NXPH1: variants seen among roughly 807,000 people sequenced by gnomAD.
The protein encoded by NXPH1 is neurexophilin-1.
A neutral mutation model predicts 23.7 loss-of-function variants in NXPH1; 5 were observed. The ratio of observed to expected loss-of-function variants is 0.21; its 90% CI spans 0.11 to 0.44. NXPH1 has a LOEUF of 0.44. Among genes scored for constraint, NXPH1 ranks in the 20% least tolerant of loss-of-function variants. The pLI is 0.99. For missense variants in NXPH1, 324 were observed against 321.6 expected (o/e 1.01, Z -0.06); for synonymous variants, 144 against 122.2 (o/e 1.18, Z -1.18).
intron 2 of NXPH1, among the ~76,000 whole-genome samples, chr7:8,658,908 C>T (rs929749665): frequency 6.6e-6 from 1 of 151,766 alleles, no homozygotes; most frequent in African/African-American, 2.4e-5. Flanking sequence ...ATTATATGCG[C>T]AAGATTTATA....
intron 2 of NXPH1, among the ~76,000 whole-genome samples, chr7:8,566,389 G>A (rs1584236576): frequency 6.6e-6 from 1 of 151,938 alleles, no homozygotes; most frequent in East Asian, 2.0e-4. Flanking sequence ...TGAATACCTA[G>A]GAAAGTGGTA....
At chr7:8,637,018 G>A (rs187237375) in intron 2 of NXPH1, among the ~76,000 whole-genome samples, 1 of 149,112 alleles carries the variant, frequency 6.7e-6, no homozygotes, top group Non-Finnish European at 1.5e-5. Flanking sequence ...CTCCTTGAGA[G>A]CCCTGTGCAT....
intron 2 of NXPH1, among the ~76,000 whole-genome samples, chr7:8,616,621 G>C (rs1426787260): frequency 2.0e-5 from 3 of 152,006 alleles, no homozygotes; most frequent in Admixed American, 6.6e-5. Context: ...AGAGAGCGAA[G>C]CATATGTAAG....
chr7:8,596,252 G>A lies in NXPH1; in HGVS notation c.55-154756G>A, dbSNP rs184460503. Among the ~76,000 whole-genome samples the A allele has an allele frequency of 2.5e-3, 377 of 152,150 alleles. 1 individual carries two copies. The highest frequency in any genetic ancestry group is 8.5e-3 in the African/African-American group (354 of 41,522). On this transcript the variant is annotated intron_variant, in intron 2 of 2. Coordinates refer to ENST00000405863, the MANE Select transcript of NXPH1 (RefSeq NM_152745.3). ...CTCATGAGCTAATTCTGAATTGCCTGGGAAAATTCTGTTCAGGAACAGAAT... is the reference window on the plus strand; with the variant it reads ...CTCATGAGCTAATTCTGAATTGCCTAGGAAAATTCTGTTCAGGAACAGAAT...
chr7:8,655,902 C>G (rs7796206), intron 2 of NXPH1, among the ~76,000 whole-genome samples: 1 of 152,110 alleles, frequency 6.6e-6, no homozygotes, highest in East Asian at 1.9e-4. Flanking sequence ...CCTTACTCCA[C>G]TGTGTTCCCT....
intron 2 of NXPH1, among the ~76,000 whole-genome samples, chr7:8,701,563 T>C (rs1779623796): frequency 6.6e-6 from 1 of 152,142 alleles, no homozygotes; most frequent in Non-Finnish European, 1.5e-5. Flanking sequence ...CATAGCAAAC[T>C]TGATTTAAGT....
chr7:8,571,103 T>C (rs1314282761), intron 2 of NXPH1, among the ~76,000 whole-genome samples: 1 of 151,846 alleles, frequency 6.6e-6, no homozygotes, highest in Non-Finnish European at 1.5e-5. Flanking sequence ...TGGGAATTCC[T>C]GGTCCCACTT....
intron 2 of NXPH1, among the ~76,000 whole-genome samples, chr7:8,700,907 T>G (rs909347639): frequency 1.3e-5 from 2 of 152,104 alleles, no homozygotes; most frequent in African/African-American, 4.8e-5. Flanking sequence ...TTTTATATCT[T>G]TAAATGGTTG....
At position 8,752,924 on chromosome 7, in the gene NXPH1, A is replaced by G. The variant is rs898600979; in HGVS notation, c.*1155A>G. ...ATATTTTATTTCTGGAAAAAATGAA[A>G]TGTACATAAAAATAAAACACTTAAA... On this transcript the variant is annotated 3_prime_UTR_variant, in exon 3 of 3. Transcript: ENST00000405863. 1.3e-5 allele frequency: 2 copies of G among 152,600 alleles called. No individual in the cohort carries two copies. Among genetic ancestry groups the G allele is most frequent in the African/African-American group, 4.8e-5 (2 of 41,446 alleles). The allele number at this position is 152,600 out of a possible 1,614,324, so 9.5% of individuals were successfully genotyped here.
intron 2 of NXPH1, among the ~76,000 whole-genome samples, chr7:8,718,617 G>A (rs1210557460): frequency 6.6e-6 from 1 of 152,178 alleles, no homozygotes. Context: ...GGGGGCAAGA[G>A]TTAATAGGAT....
chr7:8,717,931 A>G (rs1779904781), intron 2 of NXPH1, among the ~76,000 whole-genome samples: 1 of 151,134 alleles, frequency 6.6e-6, no homozygotes, highest in African/African-American at 2.4e-5. Context: ...GTAGATATGC[A>G]TGTGTATACA....
intron 2 of NXPH1, among the ~76,000 whole-genome samples, chr7:8,671,467 G>C (rs1468641521): frequency 6.6e-6 from 1 of 152,122 alleles, no homozygotes; most frequent in Non-Finnish European, 1.5e-5. Context: ...TTTAGCAAGA[G>C]AAACATTTTA....
intron 2 of NXPH1, among the ~76,000 whole-genome samples, chr7:8,704,866 A>G (rs761206455): frequency 6.6e-6 from 1 of 152,086 alleles, no homozygotes; most frequent in Non-Finnish European, 1.5e-5. Flanking sequence ...TCAGAACTGG[A>G]GGCAAAATCC....
At chr7:8,616,853 T>TA (rs138078881) in intron 2 of NXPH1, among the ~76,000 whole-genome samples, 44,318 of 141,610 alleles carry the variant, frequency 0.31, 7,088 homozygotes, top group African/African-American at 0.42. Flanking sequence ...AAGTTTATGT[T>TA]AAAAAAAAAA....
chr7:8,538,870 G>A (rs1374089974), intron 2 of NXPH1, among the ~76,000 whole-genome samples: 1 of 151,938 alleles, frequency 6.6e-6, no homozygotes, highest in African/African-American at 2.4e-5. Flanking sequence ...GAAGGATGGA[G>A]AGGCATTTAA....
rs1012745554 is a variant in NXPH1 at position 8,619,720 on chromosome 7, C to T, written c.55-131288C>T. On this transcript the variant is annotated intron_variant, in intron 2 of 2. Transcript: ENST00000405863. ...ATTTTTTAAGTGGGAAACTGAGTCC[C>T]AGAGAAAAGGAATAATTCTCTGCAT... Among the ~76,000 whole-genome samples, 6 of 152,110 alleles carry T rather than the reference C, an allele frequency of 3.9e-5. No individual in the cohort carries two copies. The South Asian group carries it at 1.2e-3, about 31-fold the overall frequency.
rs1816163789 is a variant in NXPH1, at chr7:8,434,986, G to C, written c.-111+231G>C. On this transcript the variant is annotated intron_variant, in intron 1 of 2. Transcript: ENST00000405863. The surrounding 1 kb of genome is among the most constrained non-coding windows in gnomAD (Gnocchi z 7.6). ...ACTGTGAGCATTCGTGGGTATCTCT[G>C]TGTGCGCCAGGGGTTCGAATGGGTA... 1 of 152,356 alleles carries C rather than the reference G, an allele frequency of 6.6e-6. No individual in the cohort carries two copies. Among genetic ancestry groups the C allele is most frequent in the Non-Finnish European group, 1.5e-5 (1 of 68,232 alleles). 9.4% of individuals were successfully genotyped at this position (152,356 alleles called of 1,614,324 possible). A position where few individuals can be genotyped will look rare whatever the true frequency, so the allele number is the denominator to read the frequency against.
chr7:8,609,534 A>C (rs1211939974), intron 2 of NXPH1, among the ~76,000 whole-genome samples: 1 of 152,166 alleles, frequency 6.6e-6, no homozygotes, highest in African/African-American at 2.4e-5. Context: ...GTACTTTGAG[A>C]CACTTTCAGA....
At chr7:8,734,682 G>A (rs1780218180) in intron 2 of NXPH1, among the ~76,000 whole-genome samples, 1 of 152,154 alleles carries the variant, frequency 6.6e-6, no homozygotes, top group South Asian at 2.1e-4. Context: ...ATTTGGGGTG[G>A]AGAGTTCTGT....
Sources: allele counts gnomAD v4.1 joint callset (sites outside exome capture counted in the v4.1 genomes callset), GRCh38; gene constraint gnomAD v4.1.1; non-coding constraint Gnocchi (gnomAD v3.1); transcripts MANE v1.5; gene names NCBI Gene and HGNC (gene_info 2026-07-23, HGNC 2026-07-21).